Variants in ANK1 observed in about 807,000 individuals in gnomAD.
ANK1 encodes ankyrin 1.
In ANK1, 51 loss-of-function variants were observed where a neutral mutation model predicts 210.4. The ratio of observed to expected loss-of-function variants is 0.24; its 90% CI spans 0.19 to 0.31. The LOEUF (loss-of-function observed/expected upper bound fraction) is 0.31, where lower values mean the gene tolerates loss of function less well. Among genes scored for constraint, ANK1 ranks in the 10% least tolerant of loss-of-function variants. The pLI is 1.00. For missense variants in ANK1, 2,051 were observed against 2,504.4 expected (o/e 0.82, Z 3.86); for synonymous variants, 967 against 1,025.9 (o/e 0.94, Z 1.10).
At chr8:41,819,012 A>G (rs1803770629) in intron 1 of ANK1, among the ~76,000 whole-genome samples, 1 of 152,192 alleles carries the variant, frequency 6.6e-6, no homozygotes, top group Non-Finnish European at 1.5e-5. Flanking sequence ...ACTCAAGCTA[A>G]GGGCCCGCAT....
chr8:41,709,070 C>T, intron 16 of ANK1, 95 bp from the exon 17 acceptor site: 2 of 1,456,278 alleles, frequency 1.4e-6, no homozygotes, highest in Non-Finnish European at 1.9e-6. Context: ...TCTTGGCCGG[C>T]TGGACACCCA....
chr8:41,773,584 G>C (rs1563733243), intron 1 of ANK1, among the ~76,000 whole-genome samples: 1 of 152,112 alleles, frequency 6.6e-6, no homozygotes, highest in Non-Finnish European at 1.5e-5. Flanking sequence ...AGTTGGAAAG[G>C]GTTTTGCACA....
At position 41,704,434 on chromosome 8, in the gene ANK1, T is replaced by C. The variant is rs969795435; in HGVS notation, c.2136A>G (p.Gly712=). 6.2e-7 allele frequency: 1 copy of C among 1,614,162 alleles called. No homozygotes were observed. Among genetic ancestry groups the C allele is most frequent in the South Asian group, 1.1e-5 (1 of 91,086 alleles). The change falls in exon 19 of 43, where the codon GGA becomes GGG. Residue 712 remains glycine (G), a synonymous_variant. Coordinates refer to ENST00000289734, the MANE Select transcript of ANK1 (RefSeq NM_000037.4). The surrounding 1 kb of genome is among the most constrained non-coding windows in gnomAD (Gnocchi z 4.1). The stretch of plus-strand genomic sequence containing the variant: ...GCAGAAACTTCACCAGCTTGATGTT[T>C]CCATAGTGACTGGCCACATGGAGGG... The part of the protein sequence containing the change: ...YTPLHVASHY[G]NIKLVKFLLQ...
At chr8:41,834,371 C>T (rs1249866075) in intron 1 of ANK1, among the ~76,000 whole-genome samples, 1 of 152,236 alleles carries the variant, frequency 6.6e-6, no homozygotes, top group Non-Finnish European at 1.5e-5. Context: ...TTCCCAACAC[C>T]AGCAAGCTGG....
intron 1 of ANK1, among the ~76,000 whole-genome samples, chr8:41,771,085 C>T (rs1341746400): frequency 6.6e-6 from 1 of 152,190 alleles, no homozygotes; most frequent in Non-Finnish European, 1.5e-5. Context: ...GAATGATGTC[C>T]CCAACACTTC....
chr8:41,855,103 T>G (rs1488083809), intron 1 of ANK1, among the ~76,000 whole-genome samples: 1 of 152,244 alleles, frequency 6.6e-6, no homozygotes, highest in Non-Finnish European at 1.5e-5. Context: ...TATGTCTTAT[T>G]CATCTCTGTA....
intron 1 of ANK1, among the ~76,000 whole-genome samples, chr8:41,806,490 A>G (rs770222815): frequency 3.3e-5 from 5 of 152,170 alleles, no homozygotes; most frequent in African/African-American, 1.2e-4. Flanking sequence ...CAAGGAGGGA[A>G]GATCACTTGA....
chr8:41,741,617 C>T lies in ANK1; in HGVS notation c.130-7548G>A, dbSNP rs118011340. Among the ~76,000 whole-genome samples, 164 of 151,992 alleles carry T rather than the reference C, an allele frequency of 1.1e-3. 2 individuals carry two copies. The East Asian group carries it at 0.027, about 25-fold the overall frequency. On this transcript the variant is annotated intron_variant, in intron 2 of 42. Coordinates refer to ENST00000289734, the MANE Select transcript of ANK1 (RefSeq NM_000037.4). ...AAGATTTTGGCTTGTATGGTGAACA[C>T]CTCTCTTTCCTGACCTCTGCCAAAG... is the stretch of plus-strand genomic sequence containing the variant.
At chr8:41,868,333 T>G (rs1251392275) in intron 1 of ANK1, among the ~76,000 whole-genome samples, 1 of 152,052 alleles carries the variant, frequency 6.6e-6, no homozygotes, top group Non-Finnish European at 1.5e-5. Context: ...GTTGCACCCT[T>G]CCTCCCAATT....
At chr8:41,804,935 AG>A (rs1348325157) in intron 1 of ANK1, among the ~76,000 whole-genome samples, 2 of 152,230 alleles carry the variant, frequency 1.3e-5, no homozygotes, top group African/African-American at 4.8e-5. Flanking sequence ...TAAAAATTCA[AG>A]GGTAAACTCC....
chr8:41,748,565 C>T (rs1378317008), intron 2 of ANK1, among the ~76,000 whole-genome samples: 1 of 152,212 alleles, frequency 6.6e-6, no homozygotes, highest in East Asian at 1.9e-4. Flanking sequence ...CTTCTCACAG[C>T]AATTCCTGTT....
At chr8:41,793,024 G>A (rs1048371806) in intron 1 of ANK1, among the ~76,000 whole-genome samples, 10 of 152,226 alleles carry the variant, frequency 6.6e-5, no homozygotes, top group African/African-American at 1.9e-4. Flanking sequence ...ATGTCCAAGT[G>A]CAGCCTGTTG....
chr8:41,679,636 C>T (rs554841080), intron 37 of ANK1, among the ~76,000 whole-genome samples: 4 of 145,078 alleles, frequency 2.8e-5, no homozygotes, highest in South Asian at 2.3e-4. Flanking sequence ...AATCTCGGCT[C>T]ACTGCAAGCT....
chr8:41,665,066 C>T (rs771923823), intron 39 of ANK1: 32 of 1,603,110 alleles, frequency 2.0e-5, no homozygotes, highest in South Asian at 1.9e-4. Context: ...GCCAGGGCCC[C>T]GGCCACCACG....
At chr8:41,803,855 A>G (rs1361353960) in intron 1 of ANK1, among the ~76,000 whole-genome samples, 2 of 152,032 alleles carry the variant, frequency 1.3e-5, no homozygotes, top group African/African-American at 4.8e-5. Flanking sequence ...CTATCCTTCC[A>G]TTTTTGGGTT....
At chr8:41,660,701 C>T (rs138348144) in intron 42 of ANK1, among the ~76,000 whole-genome samples, 1 of 152,322 alleles carries the variant, frequency 6.6e-6, no homozygotes, top group South Asian at 2.1e-4. Context: ...CCAACCCTGA[C>T]GGTCTCCTGA....
chr8:41,893,487 C>A (rs1320526093), intron 1 of ANK1, among the ~76,000 whole-genome samples: 2 of 152,122 alleles, frequency 1.3e-5, no homozygotes, highest in African/African-American at 2.4e-5. Flanking sequence ...GCCTCCTCCA[C>A]CCCCCGCACA....
intron 1 of ANK1, among the ~76,000 whole-genome samples, chr8:41,779,052 C>T (rs550661584): frequency 6.6e-5 from 10 of 152,156 alleles, no homozygotes; most frequent in South Asian, 4.1e-4. Flanking sequence ...TGTTCAGTCC[C>T]GGAGGCCTTT....
intron 2 of ANK1, among the ~76,000 whole-genome samples, chr8:41,746,271 A>G (rs912483438): frequency 6.6e-6 from 1 of 152,182 alleles, no homozygotes; most frequent in Non-Finnish European, 1.5e-5. Flanking sequence ...CTTGGAATCT[A>G]AGGAATCAGA....
Sources: gnomAD v4.1 joint callset for allele counts (sites outside exome capture counted in the v4.1 genomes callset) on GRCh38, gnomAD v4.1.1 for gene constraint, Gnocchi (gnomAD v3.1) non-coding constraint, MANE v1.5 for transcripts, NCBI Gene and HGNC (gene_info 2026-07-23, HGNC 2026-07-21) for gene names.